The following TMC7 variants were observed in gnomAD, a reference collection of about 807,000 sequenced individuals.
The protein encoded by TMC7 is transmembrane channel like 7.
A neutral mutation model predicts 82.9 loss-of-function variants in TMC7; 54 were observed. That is an observed-to-expected ratio of 0.65 (90% CI 0.52 to 0.82). The LOEUF (loss-of-function observed/expected upper bound fraction) is 0.82. Ranked by LOEUF, TMC7 falls within the 40% of genes least tolerant of loss-of-function variation. The pLI is 0.00. For synonymous variants in TMC7, 350 were observed against 337.9 expected, an observed-to-expected ratio of 1.04 and a Z score of -0.39; for missense variants, 820 against 901.2, an observed-to-expected ratio of 0.91 and a Z score of 1.15.
At chr16:18,998,331 G>C (rs1269937884) in intron 1 of TMC7, among the ~76,000 whole-genome samples, 1 of 152,176 alleles carries the variant, frequency 6.6e-6, no homozygotes, top group African/African-American at 2.4e-5. Context: ...AAGTGAGGCT[G>C]GTGTCCAAAT....
Position 19,051,833 on chromosome 16 carries a change from T to A in TMC7, c.1871+17T>A, listed in dbSNP as rs1961554898. On this transcript the variant is annotated intron_variant, in intron 13 of 15. Coordinates refer to ENST00000304381, the MANE Select transcript of TMC7 (RefSeq NM_024847.4). ...CATATCACGGTAAATGTGACTTTGT[T>A]TTCTAGAACATTTCATTGCTTCTTG... The A allele has an allele frequency of 6.2e-7, 1 of 1,613,400 alleles. No individual in the cohort carries two copies. Among genetic ancestry groups the A allele is most frequent in the Non-Finnish European group, 8.5e-7 (1 of 1,179,522 alleles).
chr16:19,061,716 A>G, intron 15 of TMC7, 62 bp from the exon 16 acceptor site: 2 of 1,416,886 alleles, frequency 1.4e-6, no homozygotes, highest in Non-Finnish European at 2.0e-6. Context: ...TCAGTCTGGT[A>G]GGTAATGATG....
intron 2 of TMC7, among the ~76,000 whole-genome samples, chr16:19,010,942 C>T (rs1172928664): frequency 2.6e-5 from 4 of 152,148 alleles, no homozygotes; most frequent in African/African-American, 9.7e-5. Flanking sequence ...TTAAAACCAG[C>T]TCAGCTTCCC....
At chr16:19,045,588 T>C (rs1961236375) in intron 11 of TMC7, 150 bp downstream of exon 11, 1 of 417,414 alleles carries the variant, frequency 2.4e-6, no homozygotes, top group Non-Finnish European at 4.1e-6. Context: ...AACTGGTAAC[T>C]TTCTTTTTTT....
rs902380776 is a variant in TMC7 at position 19,016,518 on chromosome 16, C to T, written c.380C>T (p.Ser127Phe). 85 of 1,614,084 alleles carry T rather than the reference C, an allele frequency of 5.3e-5. No homozygotes were observed. The highest frequency in any genetic ancestry group is 6.9e-5 in the Non-Finnish European group (82 of 1,180,046). The change falls in exon 3 of 16, where the codon TCT (serine) becomes TTT (phenylalanine). Residue 127 changes from serine to phenylalanine, a missense_variant. Coordinates refer to ENST00000304381, the MANE Select transcript of TMC7 (RefSeq NM_024847.4). ...CAGTGGAAGCGGTATAGCAGCAAGT[C>T]TTGGAAGAGGTTCCTAGAGAAGGCT... ...WDQWKRYSSK[S>F]WKRFLEKARE...
chr16:19,017,891 T>G (rs1043909145), intron 3 of TMC7, among the ~76,000 whole-genome samples: 4 of 152,086 alleles, frequency 2.6e-5, no homozygotes, highest in African/African-American at 9.7e-5. Context: ...AGGATGGTCT[T>G]GATCTCCTGA....
rs1277860418 is a variant in TMC7 at position 19,009,483 on chromosome 16, A to C, written c.311+68A>C. ...GGCCCAGAGGTATGTTTTGTGCGTG[A>C]AATGCATTTCCTGAAGAGCTCATAT... On this transcript the variant is annotated intron_variant, in intron 2 of 15. Coordinates refer to ENST00000304381, the MANE Select transcript of TMC7 (RefSeq NM_024847.4). 4 of 1,524,870 alleles carry C rather than the reference A, an allele frequency of 2.6e-6. No individual in the cohort carries two copies. The African/African-American group carries it at 4.2e-5, about 16-fold the overall frequency. The allele number at this position is 1,524,870 out of a possible 1,614,324, so 94.5% of individuals were successfully genotyped here.
chr16:19,008,788 A>G (rs982812576), intron 1 of TMC7, among the ~76,000 whole-genome samples: 8 of 152,148 alleles, frequency 5.3e-5, no homozygotes, highest in African/African-American at 1.9e-4. Context: ...ATACATTACT[A>G]TACCCTACAC....
intron 15 of TMC7, among the ~76,000 whole-genome samples, chr16:19,060,244 G>A (rs13330528): frequency 0.011 from 1,691 of 152,020 alleles, 32 homozygotes; most frequent in African/African-American, 0.039. Context: ...TCACTCTCTC[G>A]CCCAGGCTGG....
chr16:19,019,385 T>G (rs966305900), intron 3 of TMC7, among the ~76,000 whole-genome samples: 14 of 152,250 alleles, frequency 9.2e-5, no homozygotes, highest in Non-Finnish European at 2.1e-4. Flanking sequence ...TTGGCTCACT[T>G]AAGACTTTAA....
intron 13 of TMC7, 35 bp from the exon 14 acceptor site, chr16:19,056,507 G>A (rs947234353): frequency 3.1e-6 from 5 of 1,603,504 alleles, no homozygotes; most frequent in East Asian, 2.2e-5. Flanking sequence ...TGTGCTGCAC[G>A]CTCCTTCTGA....
chr16:19,040,995 A>G (rs998806351), intron 9 of TMC7, among the ~76,000 whole-genome samples: 12 of 151,326 alleles, frequency 7.9e-5, no homozygotes, highest in Non-Finnish European at 1.2e-4. Context: ...ATCTCAAACA[A>G]TCCTCCCACC....
At chr16:18,990,408 C>T (rs2038929600) in intron 1 of TMC7, among the ~76,000 whole-genome samples, 1 of 152,154 alleles carries the variant, frequency 6.6e-6, no homozygotes, top group Non-Finnish European at 1.5e-5. Context: ...AATTTTTGTG[C>T]CTCAGCTTCC....
At position 19,045,074 on chromosome 16, in the gene TMC7, G is replaced by A. The variant is rs943279309; in HGVS notation, c.1455+73G>A. ...ACAGTGTCATGGTCAAGAGAACAGC[G>A]GTTGAAGCCATGGGTTTGAACTGCA... On this transcript the variant is annotated intron_variant, in intron 10 of 15. Transcript: ENST00000304381. 42 of 1,220,864 alleles carry A rather than the reference G, an allele frequency of 3.4e-5. 2 individuals are homozygous for A. The highest frequency in any genetic ancestry group is 2.3e-4 in the South Asian group (19 of 82,486). The allele number at this position is 1,220,864 out of a possible 1,614,324, so 75.6% of individuals were successfully genotyped here.
intron 1 of TMC7, among the ~76,000 whole-genome samples, chr16:18,997,715 G>A (rs1446441326): frequency 7.1e-6 from 1 of 139,948 alleles, no homozygotes. Flanking sequence ...AACAACTCCT[G>A]TGCCAAATCC....
intron 13 of TMC7, among the ~76,000 whole-genome samples, chr16:19,053,207 A>G (rs1481561934): frequency 6.6e-6 from 1 of 152,120 alleles, no homozygotes; most frequent in African/African-American, 2.4e-5. Flanking sequence ...TTTCTTATGA[A>G]TACTTCCAGA....
rs147375289 is a variant in TMC7, at chr16:19,009,224, C to G, written c.120C>G (p.Leu40=). The G allele has an allele frequency of 6.2e-7, 1 of 1,614,200 alleles. No homozygotes were observed. Among genetic ancestry groups the G allele is most frequent in the Non-Finnish European group, 8.5e-7 (1 of 1,180,038 alleles). Residue 40 remains leucine (L), a synonymous_variant, in exon 2 of 16, where the codon CTC becomes CTG. Transcript: ENST00000304381. The part of the protein sequence containing the change: ...SCFSSPPVNF[L]QELPSYRSIA... ...TCTCTTCTCCACCTGTGAACTTCCT[C>G]CAAGAATTGCCAAGCTACCGGTCCA...
At position 19,056,598 on chromosome 16, in the gene TMC7, T is replaced by C. The variant is rs766231320; in HGVS notation, c.1928T>C (p.Val643Ala). Residue 643 changes from valine (V) to alanine (A), a missense_variant, in exon 14 of 16, where the codon GTC becomes GCC. Coordinates refer to ENST00000304381, the MANE Select transcript of TMC7 (RefSeq NM_024847.4). Reference sequence around the variant, plus strand: ...ACCAACTTCAACACCACCTGGGAGGTCATCCCCAAGACGGTGAGCACCTTC... The same window carrying C: ...ACCAACTTCAACACCACCTGGGAGGCCATCCCCAAGACGGTGAGCACCTTC... The part of the protein sequence containing the change: ...PFTNFNTTWE[V>A]IPKTVSTFPS... The C allele has an allele frequency of 5.6e-6, 9 of 1,613,516 alleles. No homozygotes were observed. Among genetic ancestry groups the C allele is most frequent in the Admixed American group, 5.0e-5 (3 of 59,904 alleles).
chr16:19,040,805 G>A (rs745944815), intron 9 of TMC7, among the ~76,000 whole-genome samples: 2 of 152,034 alleles, frequency 1.3e-5, no homozygotes, highest in Non-Finnish European at 2.9e-5. Context: ...TGCAGGACTT[G>A]AGAGTTTTCT....
Sources: allele counts gnomAD v4.1 joint callset (sites outside exome capture counted in the v4.1 genomes callset), GRCh38; gene constraint gnomAD v4.1.1; transcripts MANE v1.5; gene names NCBI Gene and HGNC (gene_info 2026-07-23, HGNC 2026-07-21).